Variants in WASF2 observed in about 807,000 individuals in gnomAD.
The protein encoded by WASF2 is actin-binding protein WASF2.
WASF2 carries 14 observed loss-of-function variants against 45.0 expected under a neutral mutation model. The observed-to-expected ratio is 0.31, with a 90% CI of 0.21 to 0.49. WASF2 has a LOEUF of 0.49. Among genes scored for constraint, WASF2 ranks in the 20% least tolerant of loss-of-function variants. The probability of loss-of-function intolerance (pLI) is 0.99; values close to 1 mark genes in which losing one functional copy is unlikely to be tolerated. For missense variants in WASF2, 439 were observed against 636.1 expected (o/e 0.69, Z 3.33); for synonymous variants, 200 against 236.3 (o/e 0.85, Z 1.41).
In WASF2 at chr1:27,477,912, A is replaced by T. The variant is rs766465358; in HGVS notation, c.-44+12074T>A. On this transcript the variant is annotated intron_variant, in intron 1 of 8. Coordinates refer to ENST00000618852, the MANE Select transcript of WASF2 (RefSeq NM_006990.5). ...AGACTCCGTCTCAAAAAAAAAAAAT[A>T]AATAAATAAAAAAAAAAATAAAAAT... 6.0e-4 allele frequency among the ~76,000 whole-genome samples: 54 copies of T among 90,504 alleles called. 4 individuals carry two copies. Among genetic ancestry groups the T allele is most frequent in the Non-Finnish European group, 8.9e-4 (48 of 54,076 alleles). 59.4% of individuals were successfully genotyped at this position (90,504 alleles called of 152,430 possible).
chr1:27,483,782 C>T (rs1018025215), intron 1 of WASF2, among the ~76,000 whole-genome samples: 5 of 151,568 alleles, frequency 3.3e-5, no homozygotes, highest in African/African-American at 4.8e-5. Context: ...AGTTAGACCT[C>T]GTCTCTAAAA....
At chr1:27,460,678 C>T (rs915176669) in intron 1 of WASF2, among the ~76,000 whole-genome samples, 2 of 152,146 alleles carry the variant, frequency 1.3e-5, no homozygotes, top group Non-Finnish European at 2.9e-5. Context: ...CCATGTTCAG[C>T]GTCCAATCAT....
At chr1:27,463,696 T>C (rs2017578442) in intron 1 of WASF2, among the ~76,000 whole-genome samples, 1 of 151,112 alleles carries the variant, frequency 6.6e-6, no homozygotes, top group East Asian at 1.9e-4. Flanking sequence ...TATGCCTATA[T>C]AGTAAAATGT....
At chr1:27,423,965 C>T (rs2016943261) in intron 2 of WASF2, among the ~76,000 whole-genome samples, 1 of 152,102 alleles carries the variant, frequency 6.6e-6, no homozygotes, top group Non-Finnish European at 1.5e-5. Flanking sequence ...TCCATTCTCC[C>T]GAGTGGCCAC....
intron 7 of WASF2, among the ~76,000 whole-genome samples, chr1:27,411,750 C>G (rs923019813): frequency 6.6e-6 from 1 of 152,182 alleles, no homozygotes; most frequent in African/African-American, 2.4e-5. Flanking sequence ...GTAGTCCCAG[C>G]TACTCGAGAA....
At position 27,411,734 on chromosome 1, in the gene WASF2, G is replaced by A. The variant is rs1405656110; in HGVS notation, c.824+838C>T. Among the ~76,000 whole-genome samples the A allele has an allele frequency of 4.6e-5, 7 of 152,322 alleles. No individual in the cohort carries two copies. The East Asian group carries it at 1.2e-3, about 25-fold the overall frequency. ...AAAAATTAGCTGGGCGTGGTGGTGG[G>A]TGCCTGTAGTCCCAGCTACTCGAGA... is the stretch of plus-strand genomic sequence containing the variant. On this transcript the variant is annotated intron_variant, in intron 7 of 8. Transcript: ENST00000618852.
intron 1 of WASF2, among the ~76,000 whole-genome samples, chr1:27,455,782 C>T (rs1225144267): frequency 2.0e-5 from 3 of 152,116 alleles, no homozygotes; most frequent in Non-Finnish European, 4.4e-5. Flanking sequence ...CTATCCTGAC[C>T]CCATTCCCCA....
At chr1:27,444,406 A>G (rs1036598328) in intron 1 of WASF2, among the ~76,000 whole-genome samples, 1 of 152,210 alleles carries the variant, frequency 6.6e-6, no homozygotes, top group Admixed American at 6.5e-5. Context: ...ATAAGATGTG[A>G]TAACATATGT....
At chr1:27,470,947 T>G (rs544439443) in intron 1 of WASF2, among the ~76,000 whole-genome samples, 1 of 152,100 alleles carries the variant, frequency 6.6e-6, no homozygotes, top group Admixed American at 6.6e-5. Flanking sequence ...GAGGTGCAAG[T>G]AGGATATCAG....
chr1:27,457,331 T>G (rs537967721), intron 1 of WASF2: 1 of 152,106 alleles, frequency 6.6e-6, no homozygotes, highest in Admixed American at 6.5e-5. Context: ...ATCCTAGCAC[T>G]TTGGGAGGCT....
intron 1 of WASF2, among the ~76,000 whole-genome samples, chr1:27,474,695 C>A (rs1423912562): frequency 6.6e-6 from 1 of 151,432 alleles, no homozygotes; most frequent in Non-Finnish European, 1.5e-5. Flanking sequence ...GCGCCTAAAC[C>A]CAGGAGGCAG....
chr1:27,447,712 T>C (rs2017329391), intron 1 of WASF2, among the ~76,000 whole-genome samples: 2 of 152,200 alleles, frequency 1.3e-5, no homozygotes, highest in Non-Finnish European at 2.9e-5. Flanking sequence ...ATGATCACAG[T>C]GCTCCAGAAG....
At chr1:27,484,121 C>T (rs2017891560) in intron 1 of WASF2, among the ~76,000 whole-genome samples, 1 of 152,160 alleles carries the variant, frequency 6.6e-6, no homozygotes, top group Non-Finnish European at 1.5e-5. Flanking sequence ...TTCAGGCCCT[C>T]AAACCAGGCA....
intron 1 of WASF2, among the ~76,000 whole-genome samples, chr1:27,485,248 C>G (rs1052942148): frequency 6.6e-6 from 1 of 151,616 alleles, no homozygotes; most frequent in Non-Finnish European, 1.5e-5. Context: ...AAATGCTATA[C>G]AAAAAATGAT....
At chr1:27,437,061 CCATT>C (rs1263808944) in intron 1 of WASF2, among the ~76,000 whole-genome samples, 3 of 152,152 alleles carry the variant, frequency 2.0e-5, no homozygotes, top group Non-Finnish European at 4.4e-5. Context: ...CTATGAAGGA[CCATT>C]CATTCACACC....
In WASF2 at chr1:27,483,735, T is replaced by C. The variant is rs961811883; in HGVS notation, c.-44+6251A>G. On this transcript the variant is annotated intron_variant, in intron 1 of 8. Coordinates refer to ENST00000618852, the MANE Select transcript of WASF2 (RefSeq NM_006990.5). Reference sequence around the variant, plus strand: ...ACTTTAGGGGGCCAAGGCAGCAGGATGGCTTGAGCTCAGTTTAAGACCAGC... The same window carrying C: ...ACTTTAGGGGGCCAAGGCAGCAGGACGGCTTGAGCTCAGTTTAAGACCAGC... 2.6e-5 allele frequency among the ~76,000 whole-genome samples: 4 copies of C among 151,850 alleles called. No individual in the cohort carries two copies. In the South Asian group the frequency reaches 8.3e-4, roughly 32 times the overall value.
intron 1 of WASF2, among the ~76,000 whole-genome samples, chr1:27,470,079 G>C (rs1176165985): frequency 6.6e-6 from 1 of 152,206 alleles, no homozygotes; most frequent in East Asian, 1.9e-4. Context: ...GTGACAGGGA[G>C]TATTATATCT....
At chr1:27,437,199 C>T (rs1437228431) in intron 1 of WASF2, among the ~76,000 whole-genome samples, 1 of 152,164 alleles carries the variant, frequency 6.6e-6, no homozygotes, top group Non-Finnish European at 1.5e-5. Context: ...ATCTCTTTAA[C>T]CTTCAAAATT....
At chr1:27,476,060 A>C (rs2017761579) in intron 1 of WASF2, among the ~76,000 whole-genome samples, 3 of 152,238 alleles carry the variant, frequency 2.0e-5, no homozygotes, top group African/African-American at 7.2e-5. Flanking sequence ...GTAGGCACTT[A>C]ACACATCTGT....
Sources: allele counts gnomAD v4.1 joint callset (sites outside exome capture counted in the v4.1 genomes callset), GRCh38; gene constraint gnomAD v4.1.1; transcripts MANE v1.5; gene names NCBI Gene and HGNC (gene_info 2026-07-23, HGNC 2026-07-21).